Variants in LRP1B observed in about 807,000 individuals in gnomAD.
The protein encoded by LRP1B is LDL receptor related protein 1B, also known as low-density lipoprotein receptor-related protein 1B.
A neutral mutation model predicts 556.6 loss-of-function variants in LRP1B; 217 were observed. The ratio of observed to expected loss-of-function variants is 0.39; its 90% CI spans 0.35 to 0.44. The LOEUF (loss-of-function observed/expected upper bound fraction) is 0.44. Ranked by LOEUF, LRP1B falls within the 20% of genes least tolerant of loss-of-function variation. The probability of loss-of-function intolerance (pLI) is 1.00; values close to 1 mark genes in which losing one functional copy is unlikely to be tolerated. For synonymous variants in LRP1B, 2,047 were observed against 1,865.8 expected, an observed-to-expected ratio of 1.10 and a Z score of -2.50; for missense variants, 5,053 against 5,620.8, an observed-to-expected ratio of 0.90 and a Z score of 3.23.
At chr2:141,788,879 T>C (rs1263142973) in intron 2 of LRP1B, among the ~76,000 whole-genome samples, 2 of 152,128 alleles carry the variant, frequency 1.3e-5, no homozygotes, top group African/African-American at 4.8e-5. Flanking sequence ...TATCATTTTT[T>C]ATGGCTGCAT....
intron 7 of LRP1B, among the ~76,000 whole-genome samples, chr2:141,126,037 AT>A (rs61318987): frequency 0.37 from 52,772 of 144,348 alleles, 10,306 homozygotes; most frequent in Non-Finnish European, 0.46. Context: ...TCTTCCTTTT[AT>A]TTTTTTTTTT....
intron 60 of LRP1B, among the ~76,000 whole-genome samples, chr2:140,466,190 C>T (rs1687542745): frequency 6.8e-6 from 1 of 147,932 alleles, no homozygotes. Flanking sequence ...AATGCAAGAG[C>T]TATTGGGTTT....
At chr2:141,643,767 G>C (rs1242608054) in intron 2 of LRP1B, among the ~76,000 whole-genome samples, 1 of 152,068 alleles carries the variant, frequency 6.6e-6, no homozygotes, top group East Asian at 1.9e-4. Context: ...GTTTTGGATA[G>C]AGGACGATGC....
At chr2:140,511,292 CTTTTTTTTTTT>C (rs70985101) in intron 51 of LRP1B, among the ~76,000 whole-genome samples, 5 of 58,458 alleles carry the variant, frequency 8.6e-5, no homozygotes, top group African/African-American at 1.4e-4. Context: ...CTCTAAGGGT[CTTTTTTTTTTT>C]TTTTTTTTTT....
chr2:141,942,394 C>CTGTT (rs71946179), intron 1 of LRP1B, among the ~76,000 whole-genome samples: 1 of 3,294 alleles, frequency 3.0e-4, no homozygotes, highest in Non-Finnish European at 8.0e-4. Context: ...CTCTTCAAAA[C>CTGTT]TGGTTCTTGG....
chr2:141,721,275 T>C (rs1246410075), intron 2 of LRP1B, among the ~76,000 whole-genome samples: 2 of 152,210 alleles, frequency 1.3e-5, no homozygotes, highest in East Asian at 3.9e-4. Context: ...TGAAATATCC[T>C]TAAAAAATCA....
chr2:140,655,493 T>C (rs1307151452), intron 41 of LRP1B, among the ~76,000 whole-genome samples: 2 of 152,210 alleles, frequency 1.3e-5, no homozygotes, highest in Non-Finnish European at 2.9e-5. Context: ...GTTTCAGTTA[T>C]TCATGAATTT....
At chr2:140,484,223 G>A (rs570698616) in intron 59 of LRP1B, among the ~76,000 whole-genome samples, 8 of 152,162 alleles carry the variant, frequency 5.3e-5, no homozygotes, top group Non-Finnish European at 7.4e-5. Context: ...ACAAAAATAC[G>A]TGCACAGTAC....
chr2:140,924,895 ATATT>A (rs1296153445), intron 20 of LRP1B, among the ~76,000 whole-genome samples: 1 of 152,080 alleles, frequency 6.6e-6, no homozygotes, highest in African/African-American at 2.4e-5. Context: ...ATTTCCCACC[ATATT>A]TATTTAGTGT....
chr2:140,882,707 T>C (rs971228281), intron 25 of LRP1B, among the ~76,000 whole-genome samples: 1 of 152,170 alleles, frequency 6.6e-6, no homozygotes, highest in Non-Finnish European at 1.5e-5. Context: ...TCTATTGACT[T>C]CTGAGTCTTA....
rs960020205 is a variant in LRP1B, at chr2:140,345,675, GATATAT to G, written c.11892+5116_11892+5121del. 2.1e-5 allele frequency among the ~76,000 whole-genome samples: 3 copies of G among 141,976 alleles called. No homozygotes were observed. The Admixed American group carries it at 2.2e-4, about 10-fold the overall frequency. 93.1% of individuals were successfully genotyped at this position (141,976 alleles called of 152,430 possible). A position where few individuals can be genotyped will look rare whatever the true frequency, so the allele number is the denominator to read the frequency against. Reference sequence around the variant, plus strand: ...ATGTGTGTGTGTATATATATATATAGATATATATATAAAATTCATGTCCTCTCATAA... The same window carrying G: ...ATGTGTGTGTGTATATATATATATAGATATAAAATTCATGTCCTCTCATAA... On this transcript the variant is annotated intron_variant, in intron 77 of 90. Transcript: ENST00000389484.
At chr2:141,879,203 T>C (rs949838034) in intron 1 of LRP1B, among the ~76,000 whole-genome samples, 26 of 151,822 alleles carry the variant, frequency 1.7e-4, no homozygotes, top group Non-Finnish European at 3.5e-4. Flanking sequence ...AGGTATCATA[T>C]TGTAAAAATA....
At chr2:141,784,900 C>G (rs1050841892) in intron 2 of LRP1B, among the ~76,000 whole-genome samples, 7 of 151,894 alleles carry the variant, frequency 4.6e-5, no homozygotes, top group African/African-American at 1.5e-4. Context: ...TGGTTTTCCT[C>G]AAGTCCTACA....
chr2:142,041,179 A>G (rs1409191581), intron 1 of LRP1B, among the ~76,000 whole-genome samples: 1 of 151,254 alleles, frequency 6.6e-6, no homozygotes, highest in Non-Finnish European at 1.5e-5. Context: ...CATACTTTTA[A>G]TTAAGGCTCC....
chr2:142,012,167 C>T (rs1232277766), intron 1 of LRP1B, among the ~76,000 whole-genome samples: 1 of 151,960 alleles, frequency 6.6e-6, no homozygotes, highest in Non-Finnish European at 1.5e-5. Flanking sequence ...CTTTATTTTT[C>T]CAAATTAGGT....
intron 59 of LRP1B, among the ~76,000 whole-genome samples, chr2:140,481,239 C>CT (rs987809472): frequency 1.3e-5 from 2 of 152,098 alleles, no homozygotes; most frequent in Admixed American, 1.3e-4. Flanking sequence ...ATTTGGGGTT[C>CT]TTTTTTTCCT....
chr2:140,475,731 A>G (rs937342648), intron 59 of LRP1B, among the ~76,000 whole-genome samples: 2 of 151,832 alleles, frequency 1.3e-5, no homozygotes, highest in African/African-American at 4.8e-5. Flanking sequence ...GAAAAATTCA[A>G]AAGGAATTAT....
intron 41 of LRP1B, among the ~76,000 whole-genome samples, chr2:140,605,343 C>T (rs900277986): frequency 4.6e-5 from 7 of 152,076 alleles, no homozygotes; most frequent in African/African-American, 2.4e-5. Context: ...TCTATATTAA[C>T]TGTGAAGTTT....
At chr2:141,317,125 A>G (rs1199450023) in intron 3 of LRP1B, among the ~76,000 whole-genome samples, 1 of 152,226 alleles carries the variant, frequency 6.6e-6, no homozygotes, top group East Asian at 1.9e-4. Context: ...AGGTTGCCAC[A>G]CTAAGCACTG....
Sources: gnomAD v4.1 joint callset for allele counts (sites outside exome capture counted in the v4.1 genomes callset) on GRCh38, gnomAD v4.1.1 for gene constraint, MANE v1.5 for transcripts, NCBI Gene and HGNC (gene_info 2026-07-23, HGNC 2026-07-21) for gene names.